Variants in GRIN2A observed in about 807,000 individuals in gnomAD.
GRIN2A encodes glutamate receptor ionotropic, NMDA 2A.
In GRIN2A, 22 loss-of-function variants were observed where a neutral mutation model predicts 113.4. The observed-to-expected ratio is 0.19, with a 90% CI of 0.14 to 0.28. The LOEUF (loss-of-function observed/expected upper bound fraction) is 0.28, where lower values mean the gene tolerates loss of function less well. GRIN2A is among the 10% of genes least tolerant of loss of function. The pLI is 1.00. For missense variants in GRIN2A, 1,502 were observed against 1,887.0 expected, an observed-to-expected ratio of 0.80 and a Z score of 3.78; for synonymous variants, 827 against 738.4, an observed-to-expected ratio of 1.12 and a Z score of -1.94.
intron 3 of GRIN2A, among the ~76,000 whole-genome samples, chr16:9,902,653 T>A (rs1596561647): frequency 6.6e-6 from 1 of 152,330 alleles, no homozygotes; most frequent in African/African-American, 2.4e-5. Flanking sequence ...TTAACCTCCC[T>A]ACACCTCAGT....
Position 9,764,410 on chromosome 16 carries a change from G to C in GRIN2A, c.3134C>G (p.Ser1045Cys). The change falls in exon 13 of 13, where the codon TCC (serine) becomes TGC (cysteine). Residue 1045 changes from serine to cysteine, a missense_variant. Ser to Cys is a moderately radical substitution (Grantham distance 112). Around this residue, in one of 7 missense-constraint regions of GRIN2A, gnomAD observed 832 missense variants for 789.7 expected, o/e 1.05. Coordinates refer to ENST00000330684, the MANE Select transcript of GRIN2A (RefSeq NM_001134407.3). Reference sequence around the variant, plus strand: ...TGGAAGATACCTAGGGCTCTTTAGGGAGTGGGTCCTATTCTCTGCTGTTGC... The same window carrying C: ...TGGAAGATACCTAGGGCTCTTTAGGCAGTGGGTCCTATTCTCTGCTGTTGC... Reference protein sequence around the residue: ...DEATAENRTHSLKSPRYLPEE... With the variant: ...DEATAENRTHCLKSPRYLPEE... 6.2e-7 allele frequency: 1 copy of C among 1,614,102 alleles called. No homozygotes were observed. Among genetic ancestry groups the C allele is most frequent in the Middle Eastern group, 1.6e-4 (1 of 6,062 alleles).
At position 10,010,985 on chromosome 16, in the gene GRIN2A, A is replaced by G. The variant is rs140862443; in HGVS notation, c.415-72434T>C. ...TTCAGGCTTGCTGGGTTATTCCTGT[A>G]ACATTTGTTCTATATCCCAGTCCAA... On this transcript the variant is annotated intron_variant, in intron 2 of 12. Transcript: ENST00000330684. Among the ~76,000 whole-genome samples, 4 of 152,286 alleles carry G rather than the reference A, an allele frequency of 2.6e-5. No individual in the cohort carries two copies. In the East Asian group the frequency reaches 7.7e-4, roughly 29 times the overall value.
At chr16:9,814,023 T>C (rs2042140213) in intron 10 of GRIN2A, among the ~76,000 whole-genome samples, 1 of 152,200 alleles carries the variant, frequency 6.6e-6, no homozygotes, top group Non-Finnish European at 1.5e-5. Flanking sequence ...GCAGAGCAAC[T>C]GAACCTCAGT....
chr16:9,865,489 T>C (rs956117496), intron 4 of GRIN2A, among the ~76,000 whole-genome samples: 2 of 152,198 alleles, frequency 1.3e-5, no homozygotes, highest in African/African-American at 4.8e-5. Context: ...CATTTGGAGT[T>C]GGAAGACCCA....
chr16:9,882,403 G>T (rs778967776), intron 4 of GRIN2A, among the ~76,000 whole-genome samples: 1 of 152,022 alleles, frequency 6.6e-6, no homozygotes, highest in Non-Finnish European at 1.5e-5. Context: ...CCTATAACTG[G>T]AATCTACTTT....
chr16:9,905,626 G>A (rs1290773274), intron 3 of GRIN2A, among the ~76,000 whole-genome samples: 1 of 152,134 alleles, frequency 6.6e-6, no homozygotes, highest in African/African-American at 2.4e-5. Context: ...ACAGTTCACG[G>A]GACTGCATCC....
At chr16:10,052,682 C>T (rs1439002797) in intron 2 of GRIN2A, among the ~76,000 whole-genome samples, 1 of 152,158 alleles carries the variant, frequency 6.6e-6, no homozygotes, top group African/African-American at 2.4e-5. Flanking sequence ...CAGGAAGCTT[C>T]AATCACTAGA....
At chr16:9,990,621 C>A (rs1480114445) in intron 2 of GRIN2A, among the ~76,000 whole-genome samples, 1 of 150,032 alleles carries the variant, frequency 6.7e-6, no homozygotes, top group Non-Finnish European at 1.5e-5. Context: ...ATGAATGCTG[C>A]CTCTAGATAC....
At position 10,049,057 on chromosome 16, in the gene GRIN2A, A is replaced by G. The variant is rs566760621; in HGVS notation, c.415-110506T>C. On this transcript the variant is annotated intron_variant, in intron 2 of 12. Coordinates refer to ENST00000330684, the MANE Select transcript of GRIN2A (RefSeq NM_001134407.3). ...TTCCAAAAGAGAGCCAGAGGGGAGG[A>G]AAATCTATAACAGTATTTTAATTTC... is the stretch of plus-strand genomic sequence containing the variant. 4.0e-4 allele frequency among the ~76,000 whole-genome samples: 61 copies of G among 152,234 alleles called. No individual in the cohort carries two copies. In the South Asian group the frequency reaches 0.012, roughly 30 times the overall value.
At chr16:10,010,115 C>G (rs1223044581) in intron 2 of GRIN2A, among the ~76,000 whole-genome samples, 2 of 152,246 alleles carry the variant, frequency 1.3e-5, no homozygotes, top group Non-Finnish European at 2.9e-5. Flanking sequence ...ACTGTGCCCT[C>G]AGGCACATAG....
chr16:10,028,769 T>G (rs2046870035), intron 2 of GRIN2A, among the ~76,000 whole-genome samples: 1 of 152,198 alleles, frequency 6.6e-6, no homozygotes, highest in African/African-American at 2.4e-5. Context: ...ATGCAGTCTC[T>G]CTCACAATGG....
At chr16:9,907,332 A>T (rs1199915763) in intron 3 of GRIN2A, among the ~76,000 whole-genome samples, 1 of 152,258 alleles carries the variant, frequency 6.6e-6, no homozygotes, top group Admixed American at 6.5e-5. Flanking sequence ...AATGAATTGC[A>T]GAGGCATTCT....
intron 2 of GRIN2A, among the ~76,000 whole-genome samples, chr16:10,090,276 T>C (rs1461795830): frequency 6.6e-6 from 1 of 152,004 alleles, no homozygotes; most frequent in Non-Finnish European, 1.5e-5. Context: ...AGGACTTACA[T>C]TACCCTCATT....
chr16:10,173,529 G>A (rs1028692364), intron 2 of GRIN2A, among the ~76,000 whole-genome samples: 27 of 152,170 alleles, frequency 1.8e-4, no homozygotes, highest in Non-Finnish European at 2.6e-4. Flanking sequence ...AACACTGCAC[G>A]AATGCCCTGA....
intron 11 of GRIN2A, 89 bp downstream of exon 11, chr16:9,798,188 G>T: frequency 9.7e-7 from 1 of 1,030,216 alleles, no homozygotes; most frequent in Non-Finnish European, 1.5e-6. Context: ...AACTCATCAT[G>T]CAAAGATCCA....
chr16:9,768,086 G>A (rs1219541869), intron 12 of GRIN2A, among the ~76,000 whole-genome samples: 1 of 151,902 alleles, frequency 6.6e-6, no homozygotes, highest in Non-Finnish European at 1.5e-5. Context: ...ACGGAGTCTC[G>A]CTCTTTCACC....
At position 9,938,039 on chromosome 16, in the gene GRIN2A, C is replaced by T. The variant is rs781405112; in HGVS notation, c.927G>A (p.Lys309=). The change falls in exon 3 of 13, where the codon AAG becomes AAA. Residue 309 remains lysine (K), a synonymous_variant. Transcript: ENST00000330684. Reference sequence around the variant, plus strand: ...CCTTGGCCTCGGGGATGTAGGAGAACTTCTCCAGCATAGAAGATGCAGCGG... The same window carrying T: ...CCTTGGCCTCGGGGATGTAGGAGAATTTCTCCAGCATAGAAGATGCAGCGG... The part of the protein sequence containing the change: ...LTTAASSMLE[K]FSYIPEAKAS... 6.8e-6 allele frequency: 11 copies of T among 1,614,088 alleles called. No individual in the cohort carries two copies. Among genetic ancestry groups the T allele is most frequent in the South Asian group, 3.3e-5 (3 of 91,078 alleles).
chr16:9,881,245 A>G (rs1206121600), intron 4 of GRIN2A, among the ~76,000 whole-genome samples: 1 of 152,244 alleles, frequency 6.6e-6, no homozygotes, highest in Non-Finnish European at 1.5e-5. Flanking sequence ...AAGATGCAAC[A>G]AGATTCCAAT....
At chr16:9,950,026 A>C (rs1012070247) in intron 2 of GRIN2A, among the ~76,000 whole-genome samples, 5 of 152,162 alleles carry the variant, frequency 3.3e-5, no homozygotes, top group African/African-American at 1.2e-4. Context: ...GGAAAGTAAT[A>C]AACAATTCTG....
Sources: allele counts gnomAD v4.1 joint callset (sites outside exome capture counted in the v4.1 genomes callset), GRCh38; gene constraint gnomAD v4.1.1; regional missense constraint gnomAD v4.1.1; transcripts MANE v1.5; gene names NCBI Gene and HGNC (gene_info 2026-07-23, HGNC 2026-07-21).